The following RAD54L2 variants were observed in gnomAD, a reference collection of about 807,000 sequenced individuals.
The protein encoded by RAD54L2 is helicase ARIP4.
In RAD54L2, 27 loss-of-function variants were observed where a neutral mutation model predicts 138.4. That is an observed-to-expected ratio of 0.20 (90% confidence interval 0.14 to 0.27). The LOEUF is 0.27. RAD54L2 is among the 10% of genes least tolerant of loss of function. RAD54L2 has a pLI of 1.00. For synonymous variants in RAD54L2, 644 were observed against 723.2 expected (o/e 0.89, Z 1.76); for missense variants, 1,396 against 1,890.2 (o/e 0.74, Z 4.85).
At chr3:51,629,281 C>T (rs1466180553) in intron 4 of RAD54L2, 53 bp from the exon 5 acceptor site, 32 of 1,536,328 alleles carry the variant, frequency 2.1e-5, no homozygotes, top group Non-Finnish European at 2.8e-5. Context: ...CTTGCCATTA[C>T]ATTGCCCAAA....
intron 2 of RAD54L2, among the ~76,000 whole-genome samples, chr3:51,559,664 T>C (rs1240418720): frequency 6.6e-6 from 1 of 152,220 alleles, no homozygotes; most frequent in Non-Finnish European, 1.5e-5. Context: ...TACTTAACTT[T>C]TGGGTAAAAC....
chr3:51,655,118 C>T (rs1701563075), intron 19 of RAD54L2, among the ~76,000 whole-genome samples: 1 of 152,132 alleles, frequency 6.6e-6, no homozygotes, highest in Non-Finnish European at 1.5e-5. Context: ...AGGCATCATG[C>T]AGACCAGCTC....
chr3:51,586,707 T>G (rs1699718403), intron 2 of RAD54L2, among the ~76,000 whole-genome samples: 1 of 151,932 alleles, frequency 6.6e-6, no homozygotes, highest in Non-Finnish European at 1.5e-5. Flanking sequence ...TAGCTGGGAT[T>G]ATAGGCATGC....
intron 8 of RAD54L2, 63 bp from the exon 9 acceptor site, chr3:51,633,839 T>A: frequency 6.2e-7 from 1 of 1,604,116 alleles, no homozygotes; most frequent in Non-Finnish European, 8.5e-7. Flanking sequence ...ACCAAAAAGC[T>A]TGATGAGCTC....
At chr3:51,605,703 C>G (rs946082274) in intron 3 of RAD54L2, among the ~76,000 whole-genome samples, 1 of 152,108 alleles carries the variant, frequency 6.6e-6, no homozygotes, top group African/African-American at 2.4e-5. Flanking sequence ...CCACCCGCCT[C>G]GGCCTCCCAA....
At position 51,638,223 on chromosome 3, in the gene RAD54L2, C is replaced by G. The variant is rs1701037256; in HGVS notation, c.1762C>G (p.Arg588Gly). The G allele has an allele frequency of 1.2e-6, 2 of 1,613,932 alleles. No homozygotes were observed. The highest frequency in any genetic ancestry group is 1.7e-6 in the Non-Finnish European group (2 of 1,179,870). ...VILVRLSKIQ[R>G]DLYTQFMDRF... ...CCTTGTGCGGCTCTCCAAGATCCAG[C>G]GAGATTTGTATACACAGTTCATGGA... is the stretch of plus-strand genomic sequence containing the variant. The change falls in exon 12 of 23, where the codon CGA becomes GGA. Residue 588 changes from arginine (R) to glycine (G), a missense_variant. By Grantham distance (125) the Arg-to-Gly change is moderately radical. Transcript: ENST00000684192. This position sits in a 1 kb window ranked among gnomAD's most constrained non-coding sequence, Gnocchi z 4.3.
intron 2 of RAD54L2, among the ~76,000 whole-genome samples, chr3:51,569,088 A>G (rs1699279404): frequency 2.0e-5 from 3 of 152,220 alleles, no homozygotes; most frequent in South Asian, 4.1e-4. Flanking sequence ...ACCAATGCAT[A>G]TCTGCAACAA....
intron 3 of RAD54L2, among the ~76,000 whole-genome samples, chr3:51,608,004 G>A (rs1226523767): frequency 6.7e-6 from 1 of 149,374 alleles, no homozygotes; most frequent in African/African-American, 2.5e-5. Context: ...GCAGCTGCGG[G>A]GCGGAGATGC....
chr3:51,613,600 G>A (rs1050545591), intron 3 of RAD54L2, among the ~76,000 whole-genome samples: 2 of 151,990 alleles, frequency 1.3e-5, no homozygotes, highest in African/African-American at 4.8e-5. Context: ...AACCCTGTCT[G>A]TGGTAGAAAT....
At chr3:51,614,462 G>A (rs1700400736) in intron 3 of RAD54L2, among the ~76,000 whole-genome samples, 1 of 151,750 alleles carries the variant, frequency 6.6e-6, no homozygotes, top group African/African-American at 2.4e-5. Context: ...CCCCACACCT[G>A]GCTTAGGTTG....
At chr3:51,549,487 C>T (rs932206724) in intron 2 of RAD54L2, among the ~76,000 whole-genome samples, 10 of 152,026 alleles carry the variant, frequency 6.6e-5, no homozygotes, top group Non-Finnish European at 1.2e-4. Context: ...AAAGGCTGGG[C>T]GCGGTGGCTT....
chr3:51,659,900 G>A lies in RAD54L2; in HGVS notation c.3317-126G>A, dbSNP rs1473680664. 6 of 582,374 alleles carry A rather than the reference G, an allele frequency of 1.0e-5. No homozygotes were observed. In the South Asian group the frequency reaches 1.1e-4, roughly 10 times the overall value. The allele number at this position is 582,374 out of a possible 1,614,324, so 36.1% of individuals were successfully genotyped here. On this transcript the variant is annotated intron_variant, in intron 21 of 22. Transcript: ENST00000684192. ...CAGTCACCCCACTTCTTATTTCAGG[G>A]GTCTTGGGAGATGGTATACCTAATT...
At chr3:51,642,330 CT>C (rs367658494) in intron 15 of RAD54L2, among the ~76,000 whole-genome samples, 344 of 130,506 alleles carry the variant, frequency 2.6e-3, no homozygotes, top group Admixed American at 3.4e-3. Context: ...AGGGGATGAA[CT>C]TTTTTTTTTT....
chr3:51,623,421 TC>T (rs1379201366), intron 3 of RAD54L2, among the ~76,000 whole-genome samples: 2 of 152,182 alleles, frequency 1.3e-5, no homozygotes, highest in Admixed American at 1.3e-4. Context: ...AGTATGGAAT[TC>T]CACGGAGTTA....
At chr3:51,597,342 G>T (rs2106726500) in intron 3 of RAD54L2, among the ~76,000 whole-genome samples, 1 of 152,088 alleles carries the variant, frequency 6.6e-6, no homozygotes, top group Non-Finnish European at 1.5e-5. Flanking sequence ...TTGTGGTTGG[G>T]GGTAACTGGG....
rs1480526771 is a variant in RAD54L2, at chr3:51,590,477, G to A, written c.57G>A (p.Leu19=). Residue 19 remains leucine, a synonymous_variant, in exon 3 of 23, where the codon CTG becomes CTA. Coordinates refer to ENST00000684192, the MANE Select transcript of RAD54L2 (RefSeq NM_015106.4). ...CAGACCTGGACCCGGACGTGGAGCTGGAGGATGCGGAAGAGGAGGAGGAGG... is the reference window on the plus strand; with the variant it reads ...CAGACCTGGACCCGGACGTGGAGCTAGAGGATGCGGAAGAGGAGGAGGAGG... ...SDPDLDPDVE[L]EDAEEEEEEE... is the part of the protein sequence containing the mutation. 2 of 1,552,078 alleles carry A rather than the reference G, an allele frequency of 1.3e-6. No individual in the cohort carries two copies. The highest frequency in any genetic ancestry group is 2.4e-5 in the East Asian group (1 of 40,948).
intron 19 of RAD54L2, among the ~76,000 whole-genome samples, chr3:51,646,933 A>G (rs1248866904): frequency 6.6e-6 from 1 of 152,206 alleles, no homozygotes; most frequent in Non-Finnish European, 1.5e-5. Context: ...GGAACCAAAA[A>G]ATCTCTTTTT....
chr3:51,547,375 C>CA (rs35028217), intron 2 of RAD54L2, among the ~76,000 whole-genome samples: 110 of 126,262 alleles, frequency 8.7e-4, no homozygotes, highest in South Asian at 1.9e-3. Context: ...GACTCTGCCT[C>CA]AAAAAAAAAA....
intron 7 of RAD54L2, 74 bp from the exon 8 acceptor site, chr3:51,633,503 A>G: frequency 7.1e-7 from 1 of 1,417,200 alleles, no homozygotes; most frequent in South Asian, 1.3e-5. Context: ...AATTCTTACT[A>G]ATTACAAAGT....
Sources: allele counts gnomAD v4.1 joint callset (sites outside exome capture counted in the v4.1 genomes callset), GRCh38; gene constraint gnomAD v4.1.1; non-coding constraint Gnocchi (gnomAD v3.1); transcripts MANE v1.5; gene names NCBI Gene and HGNC (gene_info 2026-07-23, HGNC 2026-07-21).